The following FUT9 variants were observed in gnomAD, a reference collection of about 807,000 sequenced individuals.
The protein encoded by FUT9 is fucosyltransferase 9.
In FUT9, 15 loss-of-function variants were observed where a neutral mutation model predicts 29.7. The observed-to-expected ratio is 0.51, with a 90% CI of 0.34 to 0.78. FUT9 has a LOEUF of 0.78. FUT9 is among the 30% of genes least tolerant of loss of function. The pLI is 0.01. For missense variants in FUT9, 319 were observed against 425.4 expected (o/e 0.75, Z 2.20); for synonymous variants, 169 against 153.7 (o/e 1.10, Z -0.74).
intron 2 of FUT9, among the ~76,000 whole-genome samples, chr6:96,195,876 T>G (rs1773615576): frequency 6.6e-6 from 1 of 152,152 alleles, no homozygotes; most frequent in Admixed American, 6.5e-5. Flanking sequence ...TCACAATGAT[T>G]ATATGGGGAG....
intron 2 of FUT9, 30 bp from the exon 3 acceptor site, chr6:96,203,118 C>T (rs2127991541): frequency 6.6e-7 from 1 of 1,517,360 alleles, no homozygotes; most frequent in South Asian, 1.2e-5. Flanking sequence ...CCCACCGCTA[C>T]CTCCCCTTCT....
At position 96,204,869 on chromosome 6, in the gene FUT9, A is replaced by T. The variant is rs1190519617; in HGVS notation, c.*634A>T. On this transcript the variant is annotated 3_prime_UTR_variant, in exon 3 of 3. Transcript: ENST00000302103. ...CTTCTCATTTATTTTCATTAAGCTG[A>T]TTTGCAGCTACTTATTCTCATGGTC... The T allele has an allele frequency of 6.0e-6, 1 of 165,418 alleles. No individual in the cohort carries two copies. The highest frequency in any genetic ancestry group is 2.4e-5 in the African/African-American group (1 of 41,428). The allele number at this position is 165,418 out of a possible 1,614,324, so 10.2% of individuals were successfully genotyped here.
At chr6:96,072,908 T>C (rs1771086594) in intron 1 of FUT9, among the ~76,000 whole-genome samples, 1 of 152,216 alleles carries the variant, frequency 6.6e-6, no homozygotes, top group South Asian at 2.1e-4. Flanking sequence ...AAAGCCTTAT[T>C]TGACAGGCAT....
At chr6:96,116,775 C>A (rs937715640) in intron 2 of FUT9, among the ~76,000 whole-genome samples, 2 of 151,774 alleles carry the variant, frequency 1.3e-5, no homozygotes, top group Non-Finnish European at 2.9e-5. Flanking sequence ...AGTGGTTGCC[C>A]AAGTTAGAGA....
intron 2 of FUT9, among the ~76,000 whole-genome samples, chr6:96,201,233 T>C (rs1175563280): frequency 6.6e-6 from 1 of 151,988 alleles, no homozygotes; most frequent in East Asian, 1.9e-4. Flanking sequence ...TCACAAATAT[T>C]GGTATTTCTG....
intron 1 of FUT9, among the ~76,000 whole-genome samples, chr6:96,080,877 T>C (rs1258111177): frequency 1.3e-5 from 2 of 152,004 alleles, no homozygotes; most frequent in African/African-American, 2.4e-5. Flanking sequence ...CGAACTCTTA[T>C]TTCATTGGTA....
At chr6:96,134,086 A>C (rs1430863883) in intron 2 of FUT9, among the ~76,000 whole-genome samples, 1 of 151,880 alleles carries the variant, frequency 6.6e-6, no homozygotes, top group Non-Finnish European at 1.5e-5. Flanking sequence ...AATGAGAAAA[A>C]TAAAGAGAAG....
chr6:96,151,305 A>G (rs1391873658), intron 2 of FUT9, among the ~76,000 whole-genome samples: 2 of 152,198 alleles, frequency 1.3e-5, no homozygotes, highest in East Asian at 3.9e-4. Context: ...ATTATGTATA[A>G]TAGAATTTTT....
At chr6:96,188,238 A>G (rs1258346344) in intron 2 of FUT9, among the ~76,000 whole-genome samples, 1 of 151,886 alleles carries the variant, frequency 6.6e-6, no homozygotes, top group Admixed American at 6.6e-5. Flanking sequence ...TGGAATCTTC[A>G]TTTTCTCTCT....
At chr6:96,035,795 C>A (rs868847519) in intron 1 of FUT9, among the ~76,000 whole-genome samples, 2 of 110,832 alleles carry the variant, frequency 1.8e-5, no homozygotes, top group Admixed American at 2.0e-4. Context: ...ATTTATTATA[C>A]TAATATAATA....
chr6:96,198,794 T>C (rs1288076416), intron 2 of FUT9, among the ~76,000 whole-genome samples: 1 of 152,180 alleles, frequency 6.6e-6, no homozygotes, highest in East Asian at 1.9e-4. Context: ...TTCCTGACTT[T>C]TTAATGATTG....
At chr6:96,096,458 T>C (rs1023315345) in intron 1 of FUT9, among the ~76,000 whole-genome samples, 6 of 152,160 alleles carry the variant, frequency 3.9e-5, no homozygotes, top group Non-Finnish European at 7.4e-5. Context: ...CTGTGACTTT[T>C]TACCTCACTG....
intron 1 of FUT9, among the ~76,000 whole-genome samples, chr6:96,094,216 G>C (rs1311680688): frequency 6.6e-6 from 1 of 152,118 alleles, no homozygotes; most frequent in Non-Finnish European, 1.5e-5. Context: ...ATTGTGTGCT[G>C]TTCTGAGTAG....
At chr6:96,129,082 C>G (rs1172064533) in intron 2 of FUT9, among the ~76,000 whole-genome samples, 1 of 146,524 alleles carries the variant, frequency 6.8e-6, no homozygotes, top group Non-Finnish European at 1.5e-5. Flanking sequence ...ACGGTGAAAC[C>G]CTGTCTCTAC....
At chr6:96,147,699 A>C (rs562190255) in intron 2 of FUT9, among the ~76,000 whole-genome samples, 1 of 152,024 alleles carries the variant, frequency 6.6e-6, no homozygotes, top group South Asian at 2.1e-4. Context: ...TTAACTCTTC[A>C]TCCTTTCTGT....
At chr6:96,131,769 ATCC>A (rs563110382) in intron 2 of FUT9, among the ~76,000 whole-genome samples, 97 of 152,260 alleles carry the variant, frequency 6.4e-4, no homozygotes, top group African/African-American at 2.3e-3. Flanking sequence ...CAAAAGAAGT[ATCC>A]TTTTTTTCTT....
chr6:96,123,833 G>A (rs1291123676), intron 2 of FUT9, among the ~76,000 whole-genome samples: 1 of 151,892 alleles, frequency 6.6e-6, no homozygotes, highest in Non-Finnish European at 1.5e-5. Context: ...CAGAGGAAAT[G>A]ATGGAAAATG....
chr6:96,172,731 A>G (rs1398595991), intron 2 of FUT9, among the ~76,000 whole-genome samples: 1 of 152,196 alleles, frequency 6.6e-6, no homozygotes, highest in African/African-American at 2.4e-5. Context: ...CATCAAAACA[A>G]AAGATTGTCT....
chr6:96,177,808 A>G (rs1373825611), intron 2 of FUT9, among the ~76,000 whole-genome samples: 1 of 152,148 alleles, frequency 6.6e-6, no homozygotes, highest in Non-Finnish European at 1.5e-5. Flanking sequence ...TCATTTTTTT[A>G]CTTAATGTTA....
Sources: gnomAD v4.1 joint callset for allele counts (sites outside exome capture counted in the v4.1 genomes callset) on GRCh38, gnomAD v4.1.1 for gene constraint, MANE v1.5 for transcripts, NCBI Gene and HGNC (gene_info 2026-07-23, HGNC 2026-07-21) for gene names.